Variants in STARD13 observed in about 807,000 individuals in gnomAD.
The protein encoded by STARD13 is stAR-related lipid transfer protein 13.
Under a neutral mutation model 106.4 loss-of-function variants are expected in STARD13, and 62 were observed. The observed-to-expected ratio is 0.58, with a 90% CI of 0.48 to 0.72. STARD13 has a LOEUF of 0.72. Ranked by LOEUF, STARD13 falls within the 30% of genes least tolerant of loss-of-function variation. STARD13 has a pLI of 0.00. For missense variants in STARD13, 1,387 were observed against 1,424.0 expected (o/e 0.97, Z 0.42); for synonymous variants, 565 against 553.0 (o/e 1.02, Z -0.31).
chr13:33,579,016 G>A, the STARD13 span, among the ~76,000 whole-genome samples: 1 of 152,110 alleles, frequency 6.6e-6, no homozygotes, highest in African/African-American at 2.4e-5. Flanking sequence ...TGTTGGTGTG[G>A]ATGTGGTGAA....
chr13:33,234,424 C>T (rs1889085227), intron 1 of STARD13, among the ~76,000 whole-genome samples: 1 of 152,204 alleles, frequency 6.6e-6, no homozygotes, highest in Non-Finnish European at 1.5e-5. Flanking sequence ...CTGCTCTCTT[C>T]CACTCATGGG....
chr13:33,554,151 G>A, the STARD13 span, among the ~76,000 whole-genome samples: 1 of 152,026 alleles, frequency 6.6e-6, no homozygotes, highest in Non-Finnish European at 1.5e-5. Flanking sequence ...AATTAAAATA[G>A]TATAATACTT....
At chr13:33,501,937 T>C in the STARD13 span, among the ~76,000 whole-genome samples, 1 of 152,180 alleles carries the variant, frequency 6.6e-6, no homozygotes, top group South Asian at 2.1e-4. Context: ...GGTAGCTTGA[T>C]GGGGATGGCA....
At chr13:33,200,457 G>A (rs543984313) in intron 1 of STARD13, among the ~76,000 whole-genome samples, 9 of 152,172 alleles carry the variant, frequency 5.9e-5, no homozygotes, top group Non-Finnish European at 1.0e-4. Context: ...GTACTCTCCG[G>A]TCATTAACAC....
At chr13:33,285,865 T>A (rs1268353633), upstream of STARD13, 1 of 1,047,314 alleles carries the variant, frequency 9.5e-7, no homozygotes, top group Non-Finnish European at 1.3e-6. Context: ...ACGTTTGCAG[T>A]CAGCCCTAAG....
intron 1 of STARD13, among the ~76,000 whole-genome samples, chr13:33,189,627 C>A (rs1361681607): frequency 6.6e-6 from 1 of 151,866 alleles, no homozygotes; most frequent in African/African-American, 2.4e-5. Context: ...TGTTTGTGTG[C>A]CCTTCCTGTT....
chr13:33,307,974 A>G (rs147540876), intron 1 of STARD13, among the ~76,000 whole-genome samples: 18 of 152,312 alleles, frequency 1.2e-4, no homozygotes, highest in Admixed American at 1.2e-3. Context: ...CATTATTTAC[A>G]AAAGTTTCTG....
At chr13:33,378,242 T>C in the STARD13 span, among the ~76,000 whole-genome samples, 7 of 152,156 alleles carry the variant, frequency 4.6e-5, no homozygotes, top group African/African-American at 1.7e-4. Flanking sequence ...TGAGACCAGC[T>C]GAGACTCCAC....
chr13:33,638,175 C>G, the STARD13 span, among the ~76,000 whole-genome samples: 8 of 152,322 alleles, frequency 5.3e-5, no homozygotes, highest in African/African-American at 1.7e-4. Context: ...GGCTCAGCAG[C>G]TTCTCTCCAT....
chr13:33,189,534 T>G (rs1594077937), intron 1 of STARD13, among the ~76,000 whole-genome samples: 1 of 151,532 alleles, frequency 6.6e-6, no homozygotes. Flanking sequence ...GGCACTTTCA[T>G]AGGCTAGCAG....
the STARD13 span, among the ~76,000 whole-genome samples, chr13:33,537,915 A>T: frequency 6.6e-6 from 1 of 152,144 alleles, no homozygotes; most frequent in Non-Finnish European, 1.5e-5. Context: ...GCCAACTCTA[A>T]AGAGAACTAG....
At chr13:33,358,938 C>T in the STARD13 span, among the ~76,000 whole-genome samples, 1 of 152,246 alleles carries the variant, frequency 6.6e-6, no homozygotes, top group East Asian at 1.9e-4. Context: ...TGTGTGGAAA[C>T]TCTGTATCTA....
intron 1 of STARD13, chr13:33,277,626 G>A (rs1438567487): frequency 1.3e-5 from 2 of 152,068 alleles, no homozygotes; most frequent in Admixed American, 6.6e-5. Flanking sequence ...CAGCAGTAAT[G>A]GAATATCCTG....
rs17518136 is a variant in STARD13, at chr13:33,111,928, C to A, written c.2493-36G>T. On this transcript the variant is annotated intron_variant, in intron 9 of 13. Coordinates refer to ENST00000336934, the MANE Select transcript of STARD13 (RefSeq NM_178006.4). ...ACGTGAGTGTGCTAAGCAGATCCCA[C>A]ACCAACGAGCTTGTCACAATACCAA... The A allele has an allele frequency of 2.2e-6, 3 of 1,340,580 alleles. No homozygotes were observed. The African/African-American group carries it at 4.3e-5, about 19-fold the overall frequency. The allele number at this position is 1,340,580 out of a possible 1,614,324, so 83.0% of individuals were successfully genotyped here. A position where few individuals can be genotyped will look rare whatever the true frequency, so the allele number is the denominator to read the frequency against.
intron 4 of STARD13, among the ~76,000 whole-genome samples, chr13:33,141,774 T>G (rs745921363): frequency 6.6e-6 from 1 of 152,184 alleles, no homozygotes; most frequent in African/African-American, 2.4e-5. Context: ...TTTAATCTAC[T>G]CACTGCTGTG....
chr13:33,119,681 G>A (rs766512798), intron 7 of STARD13, among the ~76,000 whole-genome samples: 2 of 152,194 alleles, frequency 1.3e-5, no homozygotes, highest in Non-Finnish European at 2.9e-5. Context: ...AGAATTCTTA[G>A]TAATATTTCT....
chr13:33,343,126 C>A (rs192021940), intron 1 of STARD13, among the ~76,000 whole-genome samples: 70 of 152,238 alleles, frequency 4.6e-4, no homozygotes, highest in African/African-American at 1.6e-3. Flanking sequence ...GCTAATGGAG[C>A]CAACAGAGAA....
the STARD13 span, among the ~76,000 whole-genome samples, chr13:33,511,827 C>A: frequency 6.6e-6 from 1 of 152,246 alleles, no homozygotes; most frequent in Middle Eastern, 3.4e-3. Context: ...GCTTCTATCA[C>A]TAAAGTTTAA....
chr13:33,107,038 G>C, intron 12 of STARD13, 104 bp from the exon 13 acceptor site: 1 of 1,110,872 alleles, frequency 9.0e-7, no homozygotes, highest in Non-Finnish European at 1.3e-6. Context: ...AACAACCTGG[G>C]CTCAGATTCC....
Sources: gnomAD v4.1 joint callset for allele counts (sites outside exome capture counted in the v4.1 genomes callset) on GRCh38, gnomAD v4.1.1 for gene constraint, MANE v1.5 for transcripts, NCBI Gene and HGNC (gene_info 2026-07-23, HGNC 2026-07-21) for gene names.